LRRC38: variants seen among roughly 807,000 people sequenced by gnomAD.
LRRC38 encodes leucine-rich repeat-containing protein 38.
Under a neutral mutation model 16.4 loss-of-function variants are expected in LRRC38, and 5 were observed. The observed-to-expected ratio is 0.31, with a 90% CI of 0.16 to 0.64. The LOEUF (loss-of-function observed/expected upper bound fraction) is 0.64. Ranked by LOEUF, LRRC38 falls within the 30% of genes least tolerant of loss-of-function variation. The pLI is 0.80. For synonymous variants in LRRC38, 191 were observed against 190.2 expected, an observed-to-expected ratio of 1.00 and a Z score of -0.04; for missense variants, 341 against 401.8, an observed-to-expected ratio of 0.85 and a Z score of 1.29.
At chr1:13,498,420 C>T (rs946545993) in intron 1 of LRRC38, among the ~76,000 whole-genome samples, 4 of 152,120 alleles carry the variant, frequency 2.6e-5, no homozygotes, top group African/African-American at 9.7e-5. Context: ...ATCACAAGGT[C>T]AGGAGTTCAA....
chr1:13,510,893 A>G (rs1288656294), intron 1 of LRRC38, among the ~76,000 whole-genome samples: 4 of 151,430 alleles, frequency 2.6e-5, no homozygotes, highest in East Asian at 3.9e-4. Context: ...AACTGCTGGA[A>G]CCTCCACCAC....
intron 1 of LRRC38, among the ~76,000 whole-genome samples, chr1:13,492,899 G>A (rs141860422): frequency 6.2e-4 from 95 of 152,060 alleles, no homozygotes; most frequent in Middle Eastern, 3.4e-3. Flanking sequence ...CTGCTCTGCC[G>A]CTCCCCTCTC....
At chr1:13,496,451 C>T (rs576929746) in intron 1 of LRRC38, among the ~76,000 whole-genome samples, 1 of 152,226 alleles carries the variant, frequency 6.6e-6, no homozygotes, top group South Asian at 2.1e-4. Flanking sequence ...GGATTACAGG[C>T]TGAGCCACCT....
intron 1 of LRRC38, among the ~76,000 whole-genome samples, chr1:13,488,529 G>A (rs1033210749): frequency 6.6e-6 from 1 of 151,916 alleles, no homozygotes; most frequent in Admixed American, 6.6e-5. Flanking sequence ...CTCGGCCTCC[G>A]AAAGTGCTGG....
chr1:13,478,757 A>T (rs1638815881), intron 1 of LRRC38, among the ~76,000 whole-genome samples: 1 of 152,006 alleles, frequency 6.6e-6, no homozygotes, highest in Non-Finnish European at 1.5e-5. Flanking sequence ...CCCTGCAACC[A>T]CCCTGGGGGG....
intron 1 of LRRC38, among the ~76,000 whole-genome samples, chr1:13,493,276 C>T (rs1368497126): frequency 6.6e-6 from 1 of 151,276 alleles, no homozygotes; most frequent in Non-Finnish European, 1.5e-5. Flanking sequence ...GGTGCTGCAG[C>T]AACTGCTGTC....
intron 1 of LRRC38, among the ~76,000 whole-genome samples, chr1:13,489,651 G>GT (rs1638984172): frequency 6.6e-6 from 1 of 152,100 alleles, no homozygotes; most frequent in Admixed American, 6.6e-5. Context: ...AATGTTCTTC[G>GT]TAAGGAGGCA....
chr1:13,476,061 T>C lies in LRRC38; in HGVS notation c.670A>G (p.Arg224Gly). ...GACAGCTCACGCAGGGATATCCTCC[T>C]GCTCTCCATGGGCAGGGAGCACTGG... is the stretch of plus-strand genomic sequence containing the variant. ...EIQCSLPMES[R>G]RISLRELSEA... Residue 224 changes from arginine (R) to glycine (G), a missense_variant, in exon 2 of 2, where the codon AGG (arginine) becomes GGG (glycine). Coordinates refer to ENST00000376085, the MANE Select transcript of LRRC38 (RefSeq NM_001010847.2). 1 of 1,550,574 alleles carries C rather than the reference T, an allele frequency of 6.4e-7. No individual in the cohort carries two copies. The highest frequency in any genetic ancestry group is 8.7e-7 in the Non-Finnish European group (1 of 1,146,990).
rs1363726080 is a variant in LRRC38 at position 13,513,171 on chromosome 1, C to T, written c.423G>A (p.Val141=). Residue 141 remains valine (V), a synonymous_variant, in exon 1 of 2, where the codon GTG becomes GTA. Coordinates refer to ENST00000376085, the MANE Select transcript of LRRC38 (RefSeq NM_001010847.2). ...TCTCGAAGGCGTCCTCGTGCACGCC[C>T]ACCAGGTTGTTGTTAGCCAGGCTAA... is the stretch of plus-strand genomic sequence containing the variant. ...VKLSLANNNL[V]GVHEDAFETL... The T allele has an allele frequency of 1.3e-6, 2 of 1,550,502 alleles. No individual in the cohort carries two copies. Among genetic ancestry groups the T allele is most frequent in the East Asian group, 2.4e-5 (1 of 40,894 alleles).
chr1:13,480,612 G>A (rs1217881196), intron 1 of LRRC38, among the ~76,000 whole-genome samples: 1 of 152,102 alleles, frequency 6.6e-6, no homozygotes. Flanking sequence ...GGGTTGGTAG[G>A]TTTCCCCCAT....
intron 1 of LRRC38, among the ~76,000 whole-genome samples, chr1:13,482,002 A>G (rs1638875815): frequency 6.6e-6 from 1 of 152,192 alleles, no homozygotes; most frequent in Admixed American, 6.5e-5. Flanking sequence ...CAGCCTGAGA[A>G]GACTAAGATA....
At chr1:13,493,323 G>A (rs887708395) in intron 1 of LRRC38, among the ~76,000 whole-genome samples, 15 of 152,068 alleles carry the variant, frequency 9.9e-5, no homozygotes, top group Admixed American at 8.5e-4. Context: ...AAGTGACCTC[G>A]GGGTGGGGCC....
rs913798516 is a variant in LRRC38, at chr1:13,504,015, G to A, written c.631+8948C>T. 3.3e-5 allele frequency among the ~76,000 whole-genome samples: 5 copies of A among 152,362 alleles called. No homozygotes were observed. The East Asian group carries it at 5.8e-4, about 18-fold the overall frequency. The stretch of plus-strand genomic sequence containing the variant: ...CGCTGTCTCAGATACTGCTGTCTGC[G>A]TGGGTTGTCACACGTTTGGGATTTG... On this transcript the variant is annotated intron_variant, in intron 1 of 1. Coordinates refer to ENST00000376085, the MANE Select transcript of LRRC38 (RefSeq NM_001010847.2).
At chr1:13,488,034 G>GTGTGTGTTTT (rs1638959593) in intron 1 of LRRC38, among the ~76,000 whole-genome samples, 2 of 78,598 alleles carry the variant, frequency 2.5e-5, no homozygotes, top group African/African-American at 6.2e-5. Flanking sequence ...GTGTGTGTTT[G>GTGTGTGTTTT]TGTGTGTGTG....
Position 13,512,950 on chromosome 1 carries a change from C to CCCCCCG in LRRC38, c.631+12_631+13insCGGGGG. 1 of 1,532,996 alleles carries CCCCCCG rather than the reference C, an allele frequency of 6.5e-7. No homozygotes were observed. Among genetic ancestry groups the CCCCCCG allele is most frequent in the Non-Finnish European group, 8.8e-7 (1 of 1,135,932 alleles). 95.0% of individuals were successfully genotyped at this position (1,532,996 alleles called of 1,614,324 possible). ...CCCTCCCTCCCTCCCCCAGCCTAGC[C>CCCCCCG]GGCTCGGCTCACCTTTGGGCAGTTT... On this transcript the variant is annotated intron_variant, in intron 1 of 1. Coordinates refer to ENST00000376085, the MANE Select transcript of LRRC38 (RefSeq NM_001010847.2).
chr1:13,480,502 G>A (rs754705247), intron 1 of LRRC38, among the ~76,000 whole-genome samples: 13 of 152,246 alleles, frequency 8.5e-5, no homozygotes, highest in Non-Finnish European at 1.3e-4. Flanking sequence ...ACAGGGTCTC[G>A]CTCTGTTGCC....
intron 1 of LRRC38, among the ~76,000 whole-genome samples, chr1:13,510,997 C>A (rs932184673): frequency 6.6e-6 from 1 of 152,192 alleles, no homozygotes; most frequent in Admixed American, 6.5e-5. Flanking sequence ...GGCACTGCAC[C>A]CTGTGAGGTG....
At chr1:13,483,344 G>A (rs1638892354) in intron 1 of LRRC38, among the ~76,000 whole-genome samples, 1 of 151,994 alleles carries the variant, frequency 6.6e-6, no homozygotes, top group South Asian at 2.1e-4. Context: ...TAGAGATGGG[G>A]TTTCACTTTG....
chr1:13,511,840 A>C (rs1639277194), intron 1 of LRRC38, among the ~76,000 whole-genome samples: 1 of 152,152 alleles, frequency 6.6e-6, no homozygotes, highest in Admixed American at 6.5e-5. Flanking sequence ...GCATTTGCTG[A>C]AGAGTGAGCA....
Sources: allele counts gnomAD v4.1 joint callset (sites outside exome capture counted in the v4.1 genomes callset), GRCh38; gene constraint gnomAD v4.1.1; transcripts MANE v1.5; gene names NCBI Gene and HGNC (gene_info 2026-07-23, HGNC 2026-07-21).